Variants in TRIB3 observed in about 807,000 individuals in gnomAD.
TRIB3 encodes the protein tribbles homolog 3.
In TRIB3, 20 loss-of-function variants were observed where a neutral mutation model predicts 16.6. The ratio of observed to expected loss-of-function variants is 1.20; its 90% CI spans 0.85 to 1.75. The LOEUF is 1.75. Among genes scored for constraint, TRIB3 ranks in the 40% most tolerant of loss-of-function variants. The pLI, the probability that TRIB3 is intolerant of heterozygous loss-of-function variation, is 0.00. For missense variants in TRIB3, 484 were observed against 488.9 expected (o/e 0.99, Z 0.10); for synonymous variants, 208 against 217.0 (o/e 0.96, Z 0.36).
At chr20:386,952 C>T (rs1234887375) in intron 1 of TRIB3, among the ~76,000 whole-genome samples, 1 of 151,812 alleles carries the variant, frequency 6.6e-6, no homozygotes, top group Non-Finnish European at 1.5e-5. Context: ...AGGGTTTCAC[C>T]ATGTTGGCCA....
chr20:382,503 C>A, intron 1 of TRIB3: 2 of 1,533,902 alleles, frequency 1.3e-6, no homozygotes, highest in South Asian at 2.4e-5. Flanking sequence ...TAAGGAGTGT[C>A]ATCCCAGCCT....
At position 396,582 on chromosome 20, in the gene TRIB3, C is replaced by T. The variant is rs6115830; in HGVS notation, c.969C>T (p.Ala323=). The part of the protein sequence containing the change: ...PWLRQDPMPL[A]PTRSHLWEAA... ...TGCGACAGGACCCGATGCCCTTAGC[C>T]CCAACCCGATCCCATCTCTGGGAGG... The change falls in exon 4 of 4, where the codon GCC becomes GCT. Residue 323 remains alanine, a synonymous_variant. Coordinates refer to ENST00000217233, the MANE Select transcript of TRIB3 (RefSeq NM_021158.5). 0.43 allele frequency: 686,839 copies of T among 1,612,896 alleles called. 148,720 individuals are homozygous for T. Among genetic ancestry groups the T allele is most frequent in the Middle Eastern group, 0.58 (3,527 of 6,060 alleles).
chr20:387,661 G>A (rs1049692132), intron 1 of TRIB3, among the ~76,000 whole-genome samples: 3 of 152,016 alleles, frequency 2.0e-5, no homozygotes, highest in Non-Finnish European at 2.9e-5. Context: ...AGTATATAGA[G>A]AGCTTCCTTG....
intron 2 of TRIB3, among the ~76,000 whole-genome samples, chr20:389,423 G>T (rs113850169): frequency 8.4e-4 from 128 of 152,292 alleles, no homozygotes; most frequent in African/African-American, 2.9e-3. Flanking sequence ...AGTAGCGGGG[G>T]CCTGGGTCCC....
intron 2 of TRIB3, among the ~76,000 whole-genome samples, chr20:389,093 A>G (rs2014902380): frequency 6.6e-6 from 1 of 152,214 alleles, no homozygotes; most frequent in Non-Finnish European, 1.5e-5. Context: ...GAGAATAAAA[A>G]GTGTAACAAT....
intron 3 of TRIB3, 106 bp downstream of exon 3, chr20:391,685 G>C: frequency 7.1e-7 from 1 of 1,418,190 alleles, no homozygotes; most frequent in Non-Finnish European, 9.4e-7. Context: ...CAAGAAGTGG[G>C]AGAAACTGAA....
chr20:386,477 C>T (rs573831352), intron 1 of TRIB3, among the ~76,000 whole-genome samples: 55 of 152,230 alleles, frequency 3.6e-4, no homozygotes, highest in African/African-American at 8.7e-4. Flanking sequence ...GGCACAATCT[C>T]GGCTCATTAC....
intron 3 of TRIB3, 112 bp downstream of exon 3, chr20:391,691 C>A: frequency 4.4e-6 from 6 of 1,360,186 alleles, no homozygotes; most frequent in Non-Finnish European, 5.9e-6. Context: ...GTGGGAGAAA[C>A]TGAAGTAACC....
intron 3 of TRIB3, among the ~76,000 whole-genome samples, chr20:395,777 C>T (rs2015107027): frequency 6.6e-6 from 1 of 152,132 alleles, no homozygotes; most frequent in Admixed American, 6.6e-5. Context: ...ACACAGCAGG[C>T]ACTTGGTAAA....
In TRIB3 at chr20:388,341, G is replaced by T. The variant is rs1422225774; in HGVS notation, c.291+40G>T. 8 of 1,556,942 alleles carry T rather than the reference G, an allele frequency of 5.1e-6. No homozygotes were observed. The South Asian group carries it at 9.4e-5, about 18-fold the overall frequency. ...GCGGCTGTCCCCCAGCACCACAGGA[G>T]GCCTGGGAAGGAGGCCTCCAAAGGA... is the stretch of plus-strand genomic sequence containing the variant. On this transcript the variant is annotated intron_variant, in intron 2 of 3. Coordinates refer to ENST00000217233, the MANE Select transcript of TRIB3 (RefSeq NM_021158.5).
At chr20:383,439 T>TTTTTG (rs972411295) in intron 1 of TRIB3, among the ~76,000 whole-genome samples, 1 of 152,144 alleles carries the variant, frequency 6.6e-6, no homozygotes, top group Non-Finnish European at 1.5e-5. Flanking sequence ...TTCATCGTTG[T>TTTTTG]TTTTGTTTTG....
intron 3 of TRIB3, among the ~76,000 whole-genome samples, chr20:395,431 G>A (rs747111986): frequency 3.6e-4 from 55 of 151,816 alleles, no homozygotes; most frequent in Admixed American, 2.1e-3. Flanking sequence ...AAAGTGCTAG[G>A]ATTACCGGCA....
intron 1 of TRIB3, chr20:382,464 C>A: frequency 6.9e-7 from 1 of 1,443,502 alleles, no homozygotes; most frequent in Non-Finnish European, 9.4e-7. Flanking sequence ...CAGGTATCAT[C>A]CTGCGTGACT....
chr20:390,471 G>C (rs533182581), intron 2 of TRIB3, among the ~76,000 whole-genome samples: 1 of 152,332 alleles, frequency 6.6e-6, no homozygotes, highest in East Asian at 1.9e-4. Flanking sequence ...AGAGCCCATG[G>C]CTGTCAGTCT....
intron 1 of TRIB3, among the ~76,000 whole-genome samples, chr20:384,103 C>T (rs7265169): frequency 6.6e-6 from 1 of 151,906 alleles, no homozygotes; most frequent in Non-Finnish European, 1.5e-5. Context: ...CTTAACTTCG[C>T]GTCTCCATCT....
chr20:396,180 T>C lies in TRIB3; in HGVS notation c.585-18T>C. 6.3e-7 allele frequency: 1 copy of C among 1,599,874 alleles called. No homozygotes were observed. Among genetic ancestry groups the C allele is most frequent in the Non-Finnish European group, 8.5e-7 (1 of 1,170,516 alleles). ...TTCTGGGTAGGACCTGACCCTTCTGTTTCTCCCCATGTCCCAGGAAGAAGC... is the reference window on the plus strand; with the variant it reads ...TTCTGGGTAGGACCTGACCCTTCTGCTTCTCCCCATGTCCCAGGAAGAAGC... On this transcript the variant is annotated intron_variant, in intron 3 of 3. Transcript: ENST00000217233.
chr20:388,155 C>T lies in TRIB3; in HGVS notation c.145C>T (p.Pro49Ser), dbSNP rs764904177. Residue 49 changes from proline (P) to serine (S), a missense_variant, in exon 2 of 4, where the codon CCC becomes TCC. Transcript: ENST00000217233. ...PQPRLPPCLL[P>S]LSPPTAPDRA... Reference sequence around the variant, plus strand: ...GCCCAGACTGCCCCCCTGCCTGTTGCCCCTGAGCCCACCTACTGCTCCAGA... The same window carrying T: ...GCCCAGACTGCCCCCCTGCCTGTTGTCCCTGAGCCCACCTACTGCTCCAGA... The T allele has an allele frequency of 9.3e-6, 15 of 1,613,996 alleles. No homozygotes were observed. In the South Asian group the frequency reaches 1.5e-4, roughly 17 times the overall value.
In TRIB3 at chr20:387,976, G is replaced by T. The variant is rs748478145; in HGVS notation, c.1-35G>T. 7.5e-6 allele frequency: 12 copies of T among 1,591,648 alleles called. No homozygotes were observed. In the African/African-American group the frequency reaches 1.1e-4, roughly 14 times the overall value. ...AGGGGAAAGGAGGGGCCACCAAGCA[G>T]TCTCACTTTAGTGCTTTTCTCTCCT... On this transcript the variant is annotated intron_variant, in intron 1 of 3. Transcript: ENST00000217233.
At chr20:392,557 A>AT (rs59477965) in intron 3 of TRIB3, among the ~76,000 whole-genome samples, 36,662 of 148,000 alleles carry the variant, frequency 0.25, 5,018 homozygotes, top group East Asian at 0.55. Context: ...GATGCTAAGA[A>AT]TTTTTTTTTT....
Sources: allele counts gnomAD v4.1 joint callset (sites outside exome capture counted in the v4.1 genomes callset), GRCh38; gene constraint gnomAD v4.1.1; transcripts MANE v1.5; gene names NCBI Gene and HGNC (gene_info 2026-07-23, HGNC 2026-07-21).